The following ACACB variants were observed in gnomAD, a reference collection of about 807,000 sequenced individuals.
The protein encoded by ACACB is acetyl-CoA carboxylase 2.
A neutral mutation model predicts 278.8 loss-of-function variants in ACACB; 209 were observed. That is an observed-to-expected ratio of 0.75 (90% CI 0.67 to 0.84). ACACB has a LOEUF of 0.84. Among genes scored for constraint, ACACB ranks in the 40% least tolerant of loss-of-function variants. The pLI, the probability that ACACB is intolerant of heterozygous loss-of-function variation, is 0.00. For missense variants in ACACB, 2,850 were observed against 3,269.0 expected, an observed-to-expected ratio of 0.87 and a Z score of 3.13; for synonymous variants, 1,174 against 1,285.6, an observed-to-expected ratio of 0.91 and a Z score of 1.86.
intron 15 of ACACB, among the ~76,000 whole-genome samples, chr12:109,192,297 G>T (rs2044921458): frequency 6.6e-6 from 1 of 152,164 alleles, no homozygotes; most frequent in Non-Finnish European, 1.5e-5. Flanking sequence ...CTACAAGCGG[G>T]TGCATTCCCA....
intron 42 of ACACB, 94 bp downstream of exon 42, chr12:109,252,250 A>G (rs760113832): frequency 1.7e-5 from 14 of 842,466 alleles, no homozygotes; most frequent in Non-Finnish European, 2.3e-5. Context: ...TTTTCTCAAT[A>G]TGAAGCCAGT....
intron 52 of ACACB, 52 bp from the exon 53 acceptor site, chr12:109,266,184 C>T: frequency 6.3e-7 from 1 of 1,586,530 alleles, no homozygotes; most frequent in Non-Finnish European, 8.6e-7. Flanking sequence ...CCCTTGGGGC[C>T]ACTGAAAAAG....
chr12:109,265,336 C>A, intron 51 of ACACB, 53 bp from the exon 52 acceptor site: 3 of 1,610,492 alleles, frequency 1.9e-6, no homozygotes, highest in Non-Finnish European at 2.5e-6. Flanking sequence ...GGGGCTGAGA[C>A]AGCTGGCCCA....
intron 2 of ACACB, among the ~76,000 whole-genome samples, chr12:109,159,055 C>T (rs970087173): frequency 1.6e-4 from 25 of 152,132 alleles, no homozygotes; most frequent in African/African-American, 4.8e-4. Context: ...AACAGGTGGC[C>T]GAGTGGATTT....
intron 28 of ACACB, among the ~76,000 whole-genome samples, chr12:109,229,914 C>A (rs978672017): frequency 6.6e-6 from 1 of 152,152 alleles, no homozygotes; most frequent in South Asian, 2.1e-4. Flanking sequence ...AGTATTAATA[C>A]CATTTAGGTC....
At chr12:109,160,678 G>A (rs975033710) in intron 2 of ACACB, among the ~76,000 whole-genome samples, 1 of 152,204 alleles carries the variant, frequency 6.6e-6, no homozygotes, top group Non-Finnish European at 1.5e-5. Flanking sequence ...AATGCTGGCC[G>A]AAGGTCAGCT....
At chr12:109,171,741 A>G in intron 4 of ACACB, 64 bp from the exon 5 acceptor site, 1 of 1,229,822 alleles carries the variant, frequency 8.1e-7, no homozygotes, top group South Asian at 1.3e-5. Flanking sequence ...CACATCTTGT[A>G]ATGTTCTGCC....
At position 109,175,541 on chromosome 12, in the gene ACACB, G is replaced by C. The variant is rs139811082; in HGVS notation, c.1217-390G>C. 3.0e-3 allele frequency among the ~76,000 whole-genome samples: 451 copies of C among 152,070 alleles called. 3 individuals carry two copies. Among genetic ancestry groups the C allele is most frequent in the African/African-American group, 0.01 (421 of 41,482 alleles). On this transcript the variant is annotated intron_variant, in intron 7 of 52. Transcript: ENST00000338432. ...AGTGATCCTCCTGTATCAGCCTCCC[G>C]AGTAGCTGGGACTACAGGCCCATGC...
At position 109,145,454 on chromosome 12, in the gene ACACB, C is replaced by T. The variant is rs374554563; in HGVS notation, c.653+5396C>T. On this transcript the variant is annotated intron_variant, in intron 2 of 52. Transcript: ENST00000338432. ...GTAATTTGTCATTCCTTACCCCTTC[C>T]CACCATGCCACCTTTCCAAATCTCC... 6.6e-5 allele frequency among the ~76,000 whole-genome samples: 10 copies of T among 152,088 alleles called. No individual in the cohort carries two copies. In the East Asian group the frequency reaches 9.6e-4, roughly 15 times the overall value.
chr12:109,182,108 G>T (rs1180615570), intron 11 of ACACB, among the ~76,000 whole-genome samples: 1 of 152,058 alleles, frequency 6.6e-6, no homozygotes, highest in African/African-American at 2.4e-5. Context: ...CTCCCAAAGT[G>T]CTGGGATTAC....
intron 19 of ACACB, among the ~76,000 whole-genome samples, chr12:109,204,581 C>T (rs528110666): frequency 1.3e-5 from 2 of 151,852 alleles, no homozygotes; most frequent in African/African-American, 4.8e-5. Flanking sequence ...AGCCTCAATA[C>T]TAGATCTTAT....
chr12:109,171,970 G>T, intron 5 of ACACB, 56 bp downstream of exon 5: 1 of 1,422,682 alleles, frequency 7.0e-7, no homozygotes, highest in Non-Finnish European at 9.9e-7. Flanking sequence ...ATGCCCCTAG[G>T]TTCTAGTTCA....
At chr12:109,143,715 CAT>C (rs1299976173) in intron 2 of ACACB, among the ~76,000 whole-genome samples, 1 of 152,140 alleles carries the variant, frequency 6.6e-6, no homozygotes, top group East Asian at 1.9e-4. Context: ...AGAGAAGACT[CAT>C]GTGTGCTTGT....
At chr12:109,186,602 T>C (rs1218370450) in intron 12 of ACACB, among the ~76,000 whole-genome samples, 1 of 152,160 alleles carries the variant, frequency 6.6e-6, no homozygotes, top group Non-Finnish European at 1.5e-5. Context: ...ATACCGACCG[T>C]TGATTGTCAC....
chr12:109,115,973 G>A (rs2042395520), upstream of ACACB, among the ~76,000 whole-genome samples: 2 of 152,206 alleles, frequency 1.3e-5, no homozygotes, highest in South Asian at 4.1e-4. Context: ...GGGCCTTGGA[G>A]GCGACCTTTG....
chr12:109,153,876 C>T (rs6606693), intron 2 of ACACB, among the ~76,000 whole-genome samples: 97,912 of 151,788 alleles, frequency 0.65, 33,998 homozygotes, highest in Middle Eastern at 0.87. Context: ...TTGGCCAGGC[C>T]GGCCTCAAAC....
chr12:109,159,725 C>T (rs904432519), intron 2 of ACACB, among the ~76,000 whole-genome samples: 4 of 151,920 alleles, frequency 2.6e-5, no homozygotes, highest in African/African-American at 7.3e-5. Flanking sequence ...ATGCCAGTAG[C>T]GCATCCCCCA....
At chr12:109,230,571 C>G (rs909561679) in intron 28 of ACACB, among the ~76,000 whole-genome samples, 5 of 152,188 alleles carry the variant, frequency 3.3e-5, no homozygotes, top group Non-Finnish European at 4.4e-5. Context: ...CACAGGCTTG[C>G]GCCACCACAC....
rs563437646 is a variant in ACACB, at chr12:109,266,513, G to A, written c.*151G>A. On this transcript the variant is annotated 3_prime_UTR_variant, in exon 53 of 53. Coordinates refer to ENST00000338432, the MANE Select transcript of ACACB (RefSeq NM_001093.4). ...GGCTGCTGGTTCCGAGCTGACACCC[G>A]TCTTAACAAAAGGCCCAGGAGTGCC... The A allele has an allele frequency of 1.1e-4, 108 of 1,017,160 alleles. 1 individual carries two copies. The African/African-American group carries it at 1.4e-3, about 13-fold the overall frequency. 63.0% of individuals were successfully genotyped at this position (1,017,160 alleles called of 1,614,324 possible). A position where few individuals can be genotyped will look rare whatever the true frequency, so the allele number is the denominator to read the frequency against.
Sources: allele counts gnomAD v4.1 joint callset (sites outside exome capture counted in the v4.1 genomes callset), GRCh38; gene constraint gnomAD v4.1.1; transcripts MANE v1.5; gene names NCBI Gene and HGNC (gene_info 2026-07-23, HGNC 2026-07-21).